Variants in RPS24 observed in about 807,000 individuals in gnomAD.
RPS24 encodes the protein ribosomal protein S24.
For missense variants in RPS24, 100 were observed against 162.5 expected (o/e 0.62, Z 2.09); for synonymous variants, 72 against 55.6 (o/e 1.30, Z -1.31).
downstream of RPS24, among the ~76,000 whole-genome samples, chr10:78,044,752 G>A (rs1272338154): frequency 6.7e-6 from 1 of 149,764 alleles, no homozygotes; most frequent in Non-Finnish European, 1.5e-5. Flanking sequence ...AGAGGTCAGC[G>A]GAGAATAAAT....
At chr10:78,055,416 C>T (rs192833809) in exon 5 of RPS24, 30 of 167,304 alleles carry the variant, frequency 1.8e-4, no homozygotes, top group Admixed American at 3.0e-4. Context: ...ATACCCCTGG[C>T]GCCCAGAACA....
chr10:78,042,575 T>C (rs1847997812), downstream of RPS24, among the ~76,000 whole-genome samples: 1 of 152,256 alleles, frequency 6.6e-6, no homozygotes. Flanking sequence ...TACCCTGTGC[T>C]GTCAGCAGGC....
At chr10:78,040,252 A>C in intron 5 of RPS24, 27 bp downstream of exon 5, 1 of 1,597,700 alleles carries the variant, frequency 6.3e-7, no homozygotes. Context: ...TCATGTAGTC[A>C]TGTAGATCAC....
At chr10:78,054,192 G>A (rs899251082) in intron 4 of RPS24, among the ~76,000 whole-genome samples, 3 of 152,082 alleles carry the variant, frequency 2.0e-5, no homozygotes, top group Admixed American at 2.0e-4. Flanking sequence ...GGAAGGAGCC[G>A]CTGGCACTGG....
At chr10:78,047,486 G>A (rs552747955) in intron 4 of RPS24, among the ~76,000 whole-genome samples, 1 of 152,278 alleles carries the variant, frequency 6.6e-6, no homozygotes, top group Non-Finnish European at 1.5e-5. Context: ...GGGCACAGAC[G>A]TGGAAGCGGT....
Position 78,035,738 on chromosome 10 carries a change from T to A in RPS24, c.279+18T>A. ...TTGCAAGAGTAGGTGTCTTTTCATT[T>A]GTTGATCAGCTCCTGAAGACCTATT... On this transcript the variant is annotated intron_variant, in intron 3 of 5. Coordinates refer to ENST00000372360, the MANE Select transcript of RPS24 (RefSeq NM_033022.4). 1.3e-6 allele frequency: 2 copies of A among 1,589,460 alleles called. No individual in the cohort carries two copies. Among genetic ancestry groups the A allele is most frequent in the Non-Finnish European group, 1.7e-6 (2 of 1,171,218 alleles).
chr10:78,045,290 A>G (rs948666930), downstream of RPS24, among the ~76,000 whole-genome samples: 4 of 152,250 alleles, frequency 2.6e-5, no homozygotes, highest in East Asian at 1.9e-4. Context: ...CCTGGCCCCA[A>G]GTATTAATAA....
chr10:78,042,905 C>T (rs1337995197), downstream of RPS24, among the ~76,000 whole-genome samples: 2 of 152,158 alleles, frequency 1.3e-5, no homozygotes, highest in Non-Finnish European at 2.9e-5. Context: ...TTTTAGGCTG[C>T]CCTTAAAGAC....
chr10:78,040,165 C>T, intron 4 of RPS24, 39 bp from the exon 5 acceptor site: 3 of 1,604,292 alleles, frequency 1.9e-6, no homozygotes, highest in Non-Finnish European at 2.6e-6. Context: ...TCTTTCTTTT[C>T]CCTCCTTTCT....
chr10:78,047,236 G>A (rs1282002903), intron 4 of RPS24, among the ~76,000 whole-genome samples: 3 of 152,036 alleles, frequency 2.0e-5, no homozygotes, highest in African/African-American at 7.3e-5. Context: ...AAAGTGCTGG[G>A]ATTATAGGTG....
At chr10:78,036,313 T>G (rs1847865717) in intron 3 of RPS24, 1 of 159,866 alleles carries the variant, frequency 6.3e-6, no homozygotes, top group Admixed American at 5.8e-5. Flanking sequence ...GCTGCACTTT[T>G]TTTTTTAGAG....
chr10:78,055,828 C>T (rs1848144914), exon 5 of RPS24: 1 of 152,390 alleles, frequency 6.6e-6, no homozygotes, highest in Non-Finnish European at 1.5e-5. Flanking sequence ...TCTTGGCTCA[C>T]TGCAACCTCT....
chr10:78,040,310 T>A, intron 5 of RPS24, 85 bp downstream of exon 5: 1 of 1,067,106 alleles, frequency 9.4e-7, no homozygotes, highest in South Asian at 1.3e-5. Context: ...AGATCATGTG[T>A]AGTACATCTA....
intron 4 of RPS24, chr10:78,038,036 T>C (rs1405065221): frequency 8.7e-6 from 10 of 1,143,968 alleles, no homozygotes; most frequent in African/African-American, 1.6e-5. Flanking sequence ...TGAGTTTGCT[T>C]TGATGATGCT....
At chr10:78,048,020 A>G (rs530356072) in intron 4 of RPS24, among the ~76,000 whole-genome samples, 119 of 152,316 alleles carry the variant, frequency 7.8e-4, no homozygotes, top group African/African-American at 2.3e-3. Context: ...TGGTGCTGAG[A>G]AAGTGGCTGT....
downstream of RPS24, among the ~76,000 whole-genome samples, chr10:78,042,701 AG>A (rs1161993324): frequency 4.6e-5 from 7 of 152,186 alleles, no homozygotes; most frequent in African/African-American, 1.7e-4. Flanking sequence ...TAGAGAGAGC[AG>A]GGATCTTTGA....
chr10:78,033,922 C>T lies in RPS24; in HGVS notation c.3+18C>T, dbSNP rs781006502. 4.6e-5 allele frequency: 74 copies of T among 1,614,070 alleles called. 1 individual carries two copies. The highest frequency in any genetic ancestry group is 1.6e-4 in the Middle Eastern group (1 of 6,062). On this transcript the variant is annotated intron_variant, in intron 1 of 5. Transcript: ENST00000372360. ...CCATCATGGTGAGTCTCCCTGGGCC[C>T]GTGCAGTCATCTGCCGCGTATCCGA...
Position 78,040,527 on chromosome 10 carries a change from G to T in RPS24, c.*20-88G>T, listed in dbSNP as rs1847970185. ...ATATTCTAGGTTACTAATAATTGTTGTGCATGAGTGTTACTACTTTTGGAA... is the reference window on the plus strand; with the variant it reads ...ATATTCTAGGTTACTAATAATTGTTTTGCATGAGTGTTACTACTTTTGGAA... On this transcript the variant is annotated intron_variant, in intron 5 of 5. Coordinates refer to ENST00000372360, the MANE Select transcript of RPS24 (RefSeq NM_033022.4). 3 of 925,662 alleles carry T rather than the reference G, an allele frequency of 3.2e-6. No homozygotes were observed. In the East Asian group the frequency reaches 7.2e-5, roughly 22 times the overall value. The allele number at this position is 925,662 out of a possible 1,614,324, so 57.3% of individuals were successfully genotyped here.
intron 4 of RPS24, among the ~76,000 whole-genome samples, chr10:78,049,550 G>A (rs1003977142): frequency 3.3e-5 from 5 of 152,218 alleles, no homozygotes; most frequent in Non-Finnish European, 7.3e-5. Context: ...GTCTTCGAGG[G>A]CCTAGACGTT....
Sources: allele counts gnomAD v4.1 joint callset (sites outside exome capture counted in the v4.1 genomes callset), GRCh38; gene constraint gnomAD v4.1.1; transcripts MANE v1.5; gene names NCBI Gene and HGNC (gene_info 2026-07-23, HGNC 2026-07-21).